ARMC2: variants seen among roughly 807,000 people sequenced by gnomAD.
ARMC2 encodes armadillo repeat containing 2.
A neutral mutation model predicts 90.3 loss-of-function variants in ARMC2; 67 were observed. The observed-to-expected ratio is 0.74, with a 90% CI of 0.61 to 0.91. ARMC2 has a LOEUF of 0.91. Among genes scored for constraint, ARMC2 ranks in the 40% least tolerant of loss-of-function variants. ARMC2 has a pLI of 0.00. For missense variants in ARMC2, 920 were observed against 1,030.9 expected (o/e 0.89, Z 1.47); for synonymous variants, 393 against 393.0 (o/e 1.00, Z 0.00).
At chr6:109,039,037 G>GA in the ARMC2 span, among the ~76,000 whole-genome samples, 3 of 121,976 alleles carry the variant, frequency 2.5e-5, no homozygotes, top group African/African-American at 7.1e-5. Flanking sequence ...GAGAAAGAAA[G>GA]AAGAAGGAGG....
At position 108,912,538 on chromosome 6, in the gene ARMC2, T is replaced by C. The variant is rs746063445; in HGVS notation, c.1330T>C (p.Ser444Pro). 1 of 1,613,504 alleles carries C rather than the reference T, an allele frequency of 6.2e-7. No homozygotes were observed. Among genetic ancestry groups the C allele is most frequent in the South Asian group, 1.1e-5 (1 of 90,990 alleles). Residue 444 changes from serine to proline, a missense_variant, in exon 10 of 18, where the codon TCG becomes CCG. By Grantham distance (74) the Ser-to-Pro change is moderately conservative. Coordinates refer to ENST00000392644, the MANE Select transcript of ARMC2 (RefSeq NM_032131.6). The part of the protein sequence containing the change: ...IKKCGTFLPN[S>P]GHLLVQVTAT... ...GAAATGTGGTACATTTTTGCCTAAT[T>C]CGGGCCACTTGCTAGTCCAGGTAAG...
At chr6:108,923,634 T>TTC (rs1272037102) in intron 10 of ARMC2, among the ~76,000 whole-genome samples, 1 of 144,540 alleles carries the variant, frequency 6.9e-6, no homozygotes, top group Non-Finnish European at 1.5e-5. Flanking sequence ...TTTTTTTTTT[T>TTC]CCTGCATTTT....
intron 3 of ARMC2, among the ~76,000 whole-genome samples, chr6:108,868,225 G>T (rs1210780535): frequency 7.1e-6 from 1 of 141,706 alleles, no homozygotes; most frequent in Non-Finnish European, 1.5e-5. Flanking sequence ...TTATTTGGGG[G>T]TGGGGGGGCG....
chr6:108,860,543 TC>T (rs1241187916), intron 3 of ARMC2, among the ~76,000 whole-genome samples: 1 of 151,270 alleles, frequency 6.6e-6, no homozygotes, highest in Non-Finnish European at 1.5e-5. Context: ...GTGCCTGTAG[TC>T]CCAGCTACTC....
At chr6:109,040,197 C>T in the ARMC2 span, among the ~76,000 whole-genome samples, 1 of 152,186 alleles carries the variant, frequency 6.6e-6, no homozygotes, top group Non-Finnish European at 1.5e-5. Context: ...ACCCCCACCA[C>T]AACCCCCAAC....
chr6:109,009,397 C>T, the ARMC2 span: 11 of 1,461,950 alleles, frequency 7.5e-6, no homozygotes, highest in South Asian at 1.4e-4. Flanking sequence ...TGCTTGCAGC[C>T]CAGCAGCCCC....
chr6:108,895,426 G>A (rs900432854), intron 6 of ARMC2, among the ~76,000 whole-genome samples: 1 of 147,560 alleles, frequency 6.8e-6, no homozygotes, highest in Non-Finnish European at 1.5e-5. Flanking sequence ...GGAGTTTGCA[G>A]TGAGTCTAGA....
At chr6:108,879,347 T>C (rs1777269190) in intron 5 of ARMC2, among the ~76,000 whole-genome samples, 1 of 150,004 alleles carries the variant, frequency 6.7e-6, no homozygotes, top group Admixed American at 6.6e-5. Context: ...TGTCTACCCA[T>C]GCAGCTAGCA....
chr6:108,956,109 C>T (rs74325545), intron 13 of ARMC2, among the ~76,000 whole-genome samples: 1,690 of 152,300 alleles, frequency 0.011, 10 homozygotes, highest in Non-Finnish European at 0.018. Context: ...CTGAAACCGA[C>T]TGGGCGAATT....
chr6:108,918,731 C>T (rs1489493318), intron 10 of ARMC2, among the ~76,000 whole-genome samples: 1 of 152,168 alleles, frequency 6.6e-6, no homozygotes, highest in East Asian at 1.9e-4. Context: ...GCCTCAGTTT[C>T]CTGTCTCTAA....
intron 1 of ARMC2, 99 bp from the exon 2 acceptor site, chr6:108,854,126 A>C: frequency 1.6e-6 from 1 of 613,126 alleles, no homozygotes; most frequent in Non-Finnish European, 2.8e-6. Context: ...TTAAAAGCTT[A>C]ATATAGAGGA....
the ARMC2 span, chr6:108,990,494 G>A: frequency 1.4e-6 from 1 of 698,722 alleles, no homozygotes; most frequent in Non-Finnish European, 2.4e-6. Context: ...CAATAAAGTG[G>A]TTCTTTGAAG....
the ARMC2 span, chr6:108,988,543 C>T: frequency 6.2e-7 from 1 of 1,605,730 alleles, no homozygotes; most frequent in South Asian, 1.1e-5. Context: ...AGGCACATAC[C>T]TTCTCAGAGT....
chr6:108,956,062 T>C (rs1777560419), intron 13 of ARMC2, among the ~76,000 whole-genome samples: 1 of 152,180 alleles, frequency 6.6e-6, no homozygotes, highest in Admixed American at 6.5e-5. Context: ...CAGGGAACCA[T>C]GTTAGCTTTT....
chr6:108,997,199 A>G, the ARMC2 span, among the ~76,000 whole-genome samples: 1 of 152,224 alleles, frequency 6.6e-6, no homozygotes, highest in African/African-American at 2.4e-5. Context: ...TAGGAAGCTT[A>G]TTAGAGAAAT....
At chr6:108,989,551 ATC>A in the ARMC2 span, among the ~76,000 whole-genome samples, 23 of 104,940 alleles carry the variant, frequency 2.2e-4, no homozygotes, top group African/African-American at 3.1e-4. Context: ...ATATCTCTAG[ATC>A]TAGATCTCTA....
At chr6:108,931,440 G>A (rs765681368) in intron 11 of ARMC2, among the ~76,000 whole-genome samples, 1 of 151,908 alleles carries the variant, frequency 6.6e-6, no homozygotes, top group Non-Finnish European at 1.5e-5. Context: ...TATATACCCA[G>A]TAATAGGATT....
Position 108,939,123 on chromosome 6 carries a change from A to T in ARMC2, c.1596+2124A>T, listed in dbSNP as rs376425210. On this transcript the variant is annotated intron_variant, in intron 12 of 17. Coordinates refer to ENST00000392644, the MANE Select transcript of ARMC2 (RefSeq NM_032131.6). ...TGTGAGCCACTGCGCCCAGCCTAAA[A>T]ATCCTAAAGTTTAAATTGGCATAAA... 6.5e-4 allele frequency among the ~76,000 whole-genome samples: 99 copies of T among 152,318 alleles called. 2 individuals are homozygous for T. In the South Asian group the frequency reaches 0.019, roughly 30 times the overall value.
intron 13 of ARMC2, among the ~76,000 whole-genome samples, chr6:108,955,443 G>A (rs113479073): frequency 1.3e-5 from 2 of 152,166 alleles, no homozygotes; most frequent in Admixed American, 6.5e-5. Flanking sequence ...GTCAGGGCAC[G>A]TTTTTGTTAT....
Sources: allele counts gnomAD v4.1 joint callset (sites outside exome capture counted in the v4.1 genomes callset), GRCh38; gene constraint gnomAD v4.1.1; transcripts MANE v1.5; gene names NCBI Gene and HGNC (gene_info 2026-07-23, HGNC 2026-07-21).